Variants in IFT140 observed in about 807,000 individuals in gnomAD.
The protein encoded by IFT140 is intraflagellar transport protein 140 homolog.
Under a neutral mutation model 164.6 loss-of-function variants are expected in IFT140, and 133 were observed. The ratio of observed to expected loss-of-function variants is 0.81; its 90% CI spans 0.70 to 0.93. IFT140 has a LOEUF of 0.93. Among genes scored for constraint, IFT140 ranks in the 40% least tolerant of loss-of-function variants. The probability of loss-of-function intolerance (pLI) is 0.00; values close to 1 mark genes in which losing one functional copy is unlikely to be tolerated. For synonymous variants in IFT140, 860 were observed against 817.3 expected (o/e 1.05, Z -0.89); for missense variants, 2,045 against 1,972.3 (o/e 1.04, Z -0.70).
intron 14 of IFT140, among the ~76,000 whole-genome samples, chr16:1,569,063 G>T (rs2033879887): frequency 1.3e-5 from 2 of 148,306 alleles, no homozygotes; most frequent in Non-Finnish European, 3.0e-5. Context: ...GGAGTGCAGT[G>T]GCGCCATCTC....
intron 4 of IFT140, among the ~76,000 whole-genome samples, chr16:1,600,891 A>G (rs944585764): frequency 6.6e-6 from 1 of 151,710 alleles, no homozygotes; most frequent in African/African-American, 2.4e-5. Context: ...TTCATGAAAG[A>G]CCAAAAAAAA....
In IFT140 at chr16:1,525,601, C is replaced by T. The variant is rs367904469; in HGVS notation, c.2769-275G>A. On this transcript the variant is annotated intron_variant, in intron 21 of 30. Coordinates refer to ENST00000426508, the MANE Select transcript of IFT140 (RefSeq NM_014714.4). ...CTGGAGAGGGTGACATGGGGTTTGT[C>T]TGTCCTCAGGAGACATCAGGCCCAT... Among the ~76,000 whole-genome samples, 200 of 152,352 alleles carry T rather than the reference C, an allele frequency of 1.3e-3. 8 individuals are homozygous for T. The South Asian group carries it at 0.041, about 31-fold the overall frequency.
At chr16:1,570,848 G>A (rs540179324) in intron 14 of IFT140, among the ~76,000 whole-genome samples, 6 of 152,182 alleles carry the variant, frequency 3.9e-5, no homozygotes, top group South Asian at 2.1e-4. Flanking sequence ...CTCGATCTCC[G>A]AGGCTCAAGC....
intron 14 of IFT140, among the ~76,000 whole-genome samples, chr16:1,570,832 C>T (rs565947706): frequency 5.3e-5 from 8 of 152,252 alleles, no homozygotes; most frequent in Admixed American, 2.0e-4. Flanking sequence ...CACAGCTCAC[C>T]GCAACCTCGA....
chr16:1,529,049 T>C (rs1015189570), intron 19 of IFT140, among the ~76,000 whole-genome samples: 2 of 152,166 alleles, frequency 1.3e-5, no homozygotes, highest in African/African-American at 2.4e-5. Flanking sequence ...CGCAGGTTCC[T>C]GGGATGGGCC....
At chr16:1,561,945 G>A (rs780463470) in intron 18 of IFT140, 40 bp downstream of exon 18, 2 of 1,497,440 alleles carry the variant, frequency 1.3e-6, no homozygotes, top group Non-Finnish European at 1.8e-6. Flanking sequence ...GGCAAGGGGA[G>A]AGATCAGAAG....
intron 4 of IFT140, among the ~76,000 whole-genome samples, chr16:1,594,911 C>T (rs1175491276): frequency 6.6e-6 from 1 of 152,238 alleles, no homozygotes; most frequent in East Asian, 1.9e-4. Context: ...CAGGCAGCAC[C>T]GACTCCAATC....
chr16:1,516,417 A>C (rs1202356674), intron 30 of IFT140, among the ~76,000 whole-genome samples: 1 of 152,154 alleles, frequency 6.6e-6, no homozygotes, highest in Non-Finnish European at 1.5e-5. Context: ...AAACACTAGA[A>C]ATACAATGCA....
chr16:1,571,270 C>T (rs1434529236), intron 14 of IFT140, 137 bp downstream of exon 14: 6 of 775,460 alleles, frequency 7.7e-6, no homozygotes, highest in African/African-American at 1.8e-5. Context: ...ATGAGGCATT[C>T]GAGAGCACAA....
chr16:1,589,899 T>C, intron 6 of IFT140, 119 bp from the exon 7 acceptor site: 1 of 938,768 alleles, frequency 1.1e-6, no homozygotes. Flanking sequence ...ATCTTCAGTA[T>C]AAGAACTTAA....
chr16:1,565,785 C>T (rs564105205), intron 16 of IFT140, among the ~76,000 whole-genome samples: 10 of 152,358 alleles, frequency 6.6e-5, no homozygotes, highest in African/African-American at 2.4e-4. Flanking sequence ...TGAAGACAGA[C>T]GATTGTTCTC....
intron 7 of IFT140, 126 bp downstream of exon 7, chr16:1,589,479 C>A: frequency 1.2e-6 from 1 of 866,446 alleles, no homozygotes; most frequent in Non-Finnish European, 1.8e-6. Flanking sequence ...CTACGTTAGC[C>A]GCCCTAACTC....
chr16:1,570,520 A>G (rs111800379), intron 14 of IFT140, among the ~76,000 whole-genome samples: 404 of 152,256 alleles, frequency 2.7e-3, no homozygotes, highest in African/African-American at 9.4e-3. Flanking sequence ...GTGCACACGC[A>G]TCACAGGATC....
chr16:1,588,047 A>G, intron 7 of IFT140, 23 bp from the exon 8 acceptor site: 5 of 1,608,926 alleles, frequency 3.1e-6, no homozygotes, highest in African/African-American at 1.3e-5. Context: ...ACAACCGAGC[A>G]GAGGCACCGT....
At chr16:1,595,745 G>A (rs2035431926) in intron 4 of IFT140, among the ~76,000 whole-genome samples, 1 of 152,076 alleles carries the variant, frequency 6.6e-6, no homozygotes. Context: ...ACAGCTTGAT[G>A]AAGACAAAAA....
At position 1,511,097 on chromosome 16, in the gene IFT140, G is replaced by A. The variant is rs764869639; in HGVS notation, c.4236C>T (p.Ser1412=). Reference sequence around the variant, plus strand: ...CCACGGCCTGCGGGCTCACGTAGTAGGACATGTTGGCCAAGGGAAGCCGCC... The same window carrying A: ...CCACGGCCTGCGGGCTCACGTAGTAAGACATGTTGGCCAAGGGAAGCCGCC... ...MRRRLPLANM[S]YYVSPQAVDA... is the part of the protein sequence containing the mutation. Residue 1412 remains serine, a synonymous_variant, in exon 31 of 31, where the codon TCC becomes TCT. Transcript: ENST00000426508. 1 of 1,610,830 alleles carries A rather than the reference G, an allele frequency of 6.2e-7. No homozygotes were observed. The highest frequency in any genetic ancestry group is 1.7e-5 in the Admixed American group (1 of 59,738).
chr16:1,567,591 C>T lies in IFT140; in HGVS notation c.1770+626G>A, dbSNP rs977959380. ...GCAGTGGGCGGGGTCCTTGTGCTCA[C>T]CTGAGCACCTCTGTGTCCGTGGTGC... On this transcript the variant is annotated intron_variant, in intron 15 of 30. Coordinates refer to ENST00000426508, the MANE Select transcript of IFT140 (RefSeq NM_014714.4). Among the ~76,000 whole-genome samples the T allele has an allele frequency of 2.6e-5, 4 of 152,264 alleles. No individual in the cohort carries two copies. The South Asian group carries it at 8.3e-4, about 31-fold the overall frequency.
At chr16:1,523,980 T>C (rs780419037) in intron 24 of IFT140, 24 bp from the exon 25 acceptor site, 23 of 1,605,200 alleles carry the variant, frequency 1.4e-5, no homozygotes, top group Non-Finnish European at 2.0e-5. Flanking sequence ...GGCAGGGCCC[T>C]GAAGCGGCTC....
At chr16:1,546,591 T>A (rs1182643917) in intron 19 of IFT140, among the ~76,000 whole-genome samples, 1 of 152,164 alleles carries the variant, frequency 6.6e-6, no homozygotes, top group Non-Finnish European at 1.5e-5. Flanking sequence ...CCGAGGCGCA[T>A]CCCACGTGCT....
Sources: gnomAD v4.1 joint callset for allele counts (sites outside exome capture counted in the v4.1 genomes callset) on GRCh38, gnomAD v4.1.1 for gene constraint, MANE v1.5 for transcripts, NCBI Gene and HGNC (gene_info 2026-07-23, HGNC 2026-07-21) for gene names.